The following PDE4B variants were observed in gnomAD, a reference collection of about 807,000 sequenced individuals.
PDE4B encodes the protein phosphodiesterase 4B.
In PDE4B, 20 loss-of-function variants were observed where a neutral mutation model predicts 82.2. The ratio of observed to expected loss-of-function variants is 0.24; its 90% CI spans 0.17 to 0.35. PDE4B has a LOEUF of 0.35. Among genes scored for constraint, PDE4B ranks in the 10% least tolerant of loss-of-function variants. The pLI, the probability that PDE4B is intolerant of heterozygous loss-of-function variation, is 1.00. For synonymous variants in PDE4B, 320 were observed against 318.9 expected (o/e 1.00, Z -0.04); for missense variants, 655 against 907.2 (o/e 0.72, Z 3.57).
At chr1:66,239,840 A>G (rs1028608341) in intron 3 of PDE4B, among the ~76,000 whole-genome samples, 1 of 152,368 alleles carries the variant, frequency 6.6e-6, no homozygotes, top group East Asian at 1.9e-4. Flanking sequence ...TGATAGTGAA[A>G]TGTTTACAAC....
At chr1:66,233,955 T>C (rs1652195743) in intron 3 of PDE4B, among the ~76,000 whole-genome samples, 3 of 152,222 alleles carry the variant, frequency 2.0e-5, no homozygotes, top group Admixed American at 1.3e-4. Flanking sequence ...TGTGTGTTTA[T>C]GGTGATATTA....
At chr1:65,819,111 C>T (rs1052078679) in intron 1 of PDE4B, among the ~76,000 whole-genome samples, 2 of 152,142 alleles carry the variant, frequency 1.3e-5, no homozygotes, top group Non-Finnish European at 2.9e-5. Flanking sequence ...TGTGGAACCA[C>T]ACAAGGGCTT....
At chr1:66,064,664 C>T (rs1484514451) in intron 3 of PDE4B, among the ~76,000 whole-genome samples, 3 of 151,874 alleles carry the variant, frequency 2.0e-5, no homozygotes, top group Non-Finnish European at 2.9e-5. Flanking sequence ...CTAATGTTTC[C>T]TGATACCTCT....
chr1:65,901,248 A>G (rs889895829), intron 1 of PDE4B, among the ~76,000 whole-genome samples: 2 of 152,106 alleles, frequency 1.3e-5, no homozygotes, highest in South Asian at 4.1e-4. Context: ...TATGTGATGA[A>G]TCACATTTAT....
At chr1:65,837,597 G>A (rs1646154585) in intron 1 of PDE4B, among the ~76,000 whole-genome samples, 1 of 152,160 alleles carries the variant, frequency 6.6e-6, no homozygotes, top group Non-Finnish European at 1.5e-5. Flanking sequence ...GACAGAGCAA[G>A]ACTCCATCTC....
rs746338541 is a variant in PDE4B at position 66,363,565 on chromosome 1, A to G, written c.1278A>G (p.Ala426=). 7.5e-6 allele frequency: 12 copies of G among 1,610,108 alleles called. No individual in the cohort carries two copies. The South Asian group carries it at 1.3e-4, about 18-fold the overall frequency. ...CCCATGTTCTCCTTTCTACACCAGC[A>G]TTAGACGTGAGTAATTATGACCTGT... ...QSTHVLLSTP[A]LDAVFTDLEI... The change falls in exon 12 of 17, where the codon GCA becomes GCG. Residue 426 remains alanine, a synonymous_variant. Coordinates refer to ENST00000341517, the MANE Select transcript of PDE4B (RefSeq NM_002600.4).
intron 3 of PDE4B, among the ~76,000 whole-genome samples, chr1:66,205,291 C>T (rs1327856558): frequency 6.6e-6 from 1 of 152,158 alleles, no homozygotes; most frequent in Non-Finnish European, 1.5e-5. Flanking sequence ...GACAAACTTC[C>T]TCAAAGAAAG....
chr1:65,975,081 C>T (rs930396907), intron 3 of PDE4B, among the ~76,000 whole-genome samples: 1 of 152,152 alleles, frequency 6.6e-6, no homozygotes, highest in Non-Finnish European at 1.5e-5. Context: ...GTTGAACTTC[C>T]TAGAGACTTG....
intron 3 of PDE4B, among the ~76,000 whole-genome samples, chr1:66,071,204 A>C (rs1656139900): frequency 3.3e-5 from 5 of 152,098 alleles, no homozygotes; most frequent in Non-Finnish European, 7.4e-5. Context: ...ACAATTTTGT[A>C]TGACTTAAAT....
intron 7 of PDE4B, among the ~76,000 whole-genome samples, chr1:66,310,240 C>T (rs1478963929): frequency 6.6e-6 from 1 of 152,176 alleles, no homozygotes; most frequent in Non-Finnish European, 1.5e-5. Context: ...ACCCACATTT[C>T]ATAGCAGAAG....
At chr1:65,981,248 A>G (rs1650671416) in intron 3 of PDE4B, among the ~76,000 whole-genome samples, 1 of 152,208 alleles carries the variant, frequency 6.6e-6, no homozygotes, top group South Asian at 2.1e-4. Flanking sequence ...ATGAAAGACA[A>G]ATAAATTTTG....
At chr1:65,902,937 C>T (rs1646988057) in intron 1 of PDE4B, among the ~76,000 whole-genome samples, 1 of 152,056 alleles carries the variant, frequency 6.6e-6, no homozygotes, top group African/African-American at 2.4e-5. Flanking sequence ...AACTGTGGAC[C>T]AAAAGCCAAG....
At chr1:65,865,841 C>T (rs1051711806) in intron 1 of PDE4B, among the ~76,000 whole-genome samples, 9 of 152,066 alleles carry the variant, frequency 5.9e-5, no homozygotes, top group African/African-American at 2.2e-4. Flanking sequence ...CTTGCCAGAT[C>T]CTCCTGAATT....
intron 3 of PDE4B, among the ~76,000 whole-genome samples, chr1:65,987,744 C>G (rs1651029549): frequency 6.6e-6 from 1 of 152,156 alleles, no homozygotes; most frequent in African/African-American, 2.4e-5. Flanking sequence ...TCCCAAGTAG[C>G]TGGGATTACA....
At chr1:65,839,459 C>A (rs1034482050) in intron 1 of PDE4B, among the ~76,000 whole-genome samples, 3 of 152,076 alleles carry the variant, frequency 2.0e-5, no homozygotes, top group African/African-American at 4.8e-5. Context: ...GTGATGTTCC[C>A]CTTCCTGTGT....
intron 3 of PDE4B, among the ~76,000 whole-genome samples, chr1:66,029,138 C>G (rs71649208): frequency 0.083 from 12,662 of 152,194 alleles, 985 homozygotes; most frequent in East Asian, 0.27. Flanking sequence ...GCAGAGGCCT[C>G]AGAATCATGG....
intron 3 of PDE4B, among the ~76,000 whole-genome samples, chr1:66,086,533 A>G (rs1026516334): frequency 3.3e-5 from 5 of 152,160 alleles, no homozygotes; most frequent in African/African-American, 4.8e-5. Flanking sequence ...AATTTGAATG[A>G]GTGTTCCTAT....
At chr1:66,227,912 A>G (rs912823610) in intron 3 of PDE4B, among the ~76,000 whole-genome samples, 2 of 152,198 alleles carry the variant, frequency 1.3e-5, no homozygotes, top group African/African-American at 4.8e-5. Flanking sequence ...TTGATTGCCC[A>G]GGTATAACAC....
At chr1:66,203,207 C>T (rs1449673761) in intron 3 of PDE4B, among the ~76,000 whole-genome samples, 56 of 152,036 alleles carry the variant, frequency 3.7e-4, no homozygotes, top group Non-Finnish European at 4.1e-4. Context: ...GAGTTTCTGC[C>T]GAGAGATCTG....
Sources: allele counts gnomAD v4.1 joint callset (sites outside exome capture counted in the v4.1 genomes callset), GRCh38; gene constraint gnomAD v4.1.1; transcripts MANE v1.5; gene names NCBI Gene and HGNC (gene_info 2026-07-23, HGNC 2026-07-21).